The following POR variants were observed in gnomAD, a reference collection of about 807,000 sequenced individuals.
POR encodes NADPH--cytochrome P450 reductase.
POR carries 56 observed loss-of-function variants against 84.0 expected under a neutral mutation model. The observed-to-expected ratio is 0.67, with a 90% confidence interval of 0.54 to 0.83. POR has a LOEUF of 0.83. Ranked by LOEUF, POR falls within the 40% of genes least tolerant of loss-of-function variation. The probability of loss-of-function intolerance (pLI) is 0.00; values close to 1 mark genes in which losing one functional copy is unlikely to be tolerated. For missense variants in POR, 938 were observed against 944.3 expected, an observed-to-expected ratio of 0.99 and a Z score of 0.09; for synonymous variants, 414 against 400.5, an observed-to-expected ratio of 1.03 and a Z score of -0.40.
At chr7:75,924,540 C>T (rs1236118884) in intron 1 of POR, among the ~76,000 whole-genome samples, 2 of 151,986 alleles carry the variant, frequency 1.3e-5, no homozygotes, top group Non-Finnish European at 1.5e-5. Flanking sequence ...TGTTTTTAAA[C>T]ATCAGTGTTT....
rs1788485952 is a variant in POR at position 75,972,472 on chromosome 7, T to A, written c.237+11T>A. ...AAGATGAAGAAAACGGTGAGTTTCC[T>A]GCATGTCTTTACTCTTCTCAGGAAG... is the stretch of plus-strand genomic sequence containing the variant. On this transcript the variant is annotated intron_variant, in intron 3 of 15. Coordinates refer to ENST00000461988, the MANE Select transcript of POR (RefSeq NM_000941.3). 6.3e-7 allele frequency: 1 copy of A among 1,598,326 alleles called. No individual in the cohort carries two copies. The highest frequency in any genetic ancestry group is 8.5e-7 in the Non-Finnish European group (1 of 1,171,704).
intron 1 of POR, among the ~76,000 whole-genome samples, chr7:75,939,157 C>T (rs898008843): frequency 6.6e-6 from 1 of 152,232 alleles, no homozygotes; most frequent in Non-Finnish European, 1.5e-5. Flanking sequence ...TCCTGGAGTG[C>T]AGCAGGTGCT....
At chr7:75,973,674 C>CTTTGT (rs1788544259) in intron 3 of POR, among the ~76,000 whole-genome samples, 2 of 64,932 alleles carry the variant, frequency 3.1e-5, no homozygotes, top group Non-Finnish European at 5.1e-5. Context: ...CCAGACCTTG[C>CTTTGT]TTTTTTTTTT....
chr7:75,964,324 T>G (rs1554554902), intron 2 of POR, among the ~76,000 whole-genome samples: 2 of 152,140 alleles, frequency 1.3e-5, no homozygotes, highest in East Asian at 3.9e-4. Context: ...TTTTTCTTTT[T>G]GAGACTAAGT....
At chr7:75,930,263 T>C (rs1445114068) in intron 1 of POR, among the ~76,000 whole-genome samples, 2 of 152,022 alleles carry the variant, frequency 1.3e-5, no homozygotes, top group Admixed American at 6.6e-5. Flanking sequence ...CCTTTCTCTC[T>C]TCTGCAATTC....
intron 3 of POR, 139 bp downstream of exon 3, chr7:75,972,600 G>A: frequency 1.2e-6 from 1 of 805,062 alleles, no homozygotes; most frequent in East Asian, 2.7e-5. Flanking sequence ...CGGCTCGCTT[G>A]GGAGTCATTC....
At chr7:75,981,259 G>T (rs1554557817) in intron 6 of POR, 87 bp downstream of exon 6, 2 of 1,452,786 alleles carry the variant, frequency 1.4e-6, no homozygotes, top group Admixed American at 2.5e-5. Flanking sequence ...CATTGTGTCA[G>T]CTGAGACTCA....
intron 1 of POR, chr7:75,922,932 G>A (rs1806948212): frequency 1.5e-6 from 1 of 671,194 alleles, no homozygotes; most frequent in African/African-American, 1.8e-5. Flanking sequence ...ATGATTCCTG[G>A]CGGCAGAAAC....
In POR at chr7:75,954,094, T is replaced by A; in HGVS notation, c.102T>A (p.Phe34Leu). ...TCAGCATGACGGACATGATTCTGTT[T>A]TCGCTCATCGTGGGTCTCCTAACCT... Residue 34 changes from phenylalanine (F) to leucine (L), a missense_variant, in exon 2 of 16, where the codon TTT becomes TTA. Transcript: ENST00000461988. 1 of 1,613,382 alleles carries A rather than the reference T, an allele frequency of 6.2e-7. No individual in the cohort carries two copies. Among genetic ancestry groups the A allele is most frequent in the African/African-American group, 1.3e-5 (1 of 75,052 alleles).
intron 1 of POR, chr7:75,943,947 T>A: frequency 2.2e-6 from 1 of 447,816 alleles, no homozygotes; most frequent in Admixed American, 2.7e-5. Flanking sequence ...GGGAGAATTA[T>A]CAACTTAAAA....
chr7:75,974,641 C>G (rs1788596530), intron 3 of POR, among the ~76,000 whole-genome samples: 1 of 151,052 alleles, frequency 6.6e-6, no homozygotes, highest in Admixed American at 6.6e-5. Flanking sequence ...ATTCTCATGC[C>G]TCATTCTCCT....
intron 2 of POR, among the ~76,000 whole-genome samples, chr7:75,964,444 A>G (rs1788085532): frequency 6.6e-6 from 1 of 151,932 alleles, no homozygotes; most frequent in African/African-American, 2.4e-5. Flanking sequence ...AGTAGCTGGG[A>G]TTACAGGCGC....
chr7:75,984,210 C>T (rs1554558645), intron 10 of POR, among the ~76,000 whole-genome samples: 1 of 152,216 alleles, frequency 6.6e-6, no homozygotes, highest in African/African-American at 2.4e-5. Flanking sequence ...GCTGCCCCCA[C>T]CTCCTCACTG....
At chr7:75,968,061 T>A (rs2116506276) in intron 2 of POR, 1 of 455,208 alleles carries the variant, frequency 2.2e-6, no homozygotes, top group East Asian at 6.9e-5. Flanking sequence ...CCTTAAGTCC[T>A]GGAGCTGAGA....
At chr7:75,981,344 C>A (rs1789029845) in intron 6 of POR, among the ~76,000 whole-genome samples, 172 bp downstream of exon 6, 1 of 152,156 alleles carries the variant, frequency 6.6e-6, no homozygotes, top group African/African-American at 2.4e-5. Context: ...TGCTTTTCGG[C>A]TTGCCCAACT....
intron 2 of POR, among the ~76,000 whole-genome samples, chr7:75,966,773 C>G (rs782714842): frequency 1.3e-4 from 20 of 152,124 alleles, no homozygotes; most frequent in African/African-American, 4.6e-4. Context: ...GTGCTTTTCC[C>G]GCCCTCCCTC....
intron 5 of POR, 37 bp downstream of exon 5, chr7:75,980,525 C>T: frequency 1.2e-6 from 2 of 1,612,560 alleles, no homozygotes; most frequent in Non-Finnish European, 1.7e-6. Context: ...CTCCCGGTGG[C>T]CTGCGGTGCC....
At chr7:75,919,382 C>CATGTGTGTGT (rs1554548526) in intron 1 of POR, among the ~76,000 whole-genome samples, 11 of 146,432 alleles carry the variant, frequency 7.5e-5, no homozygotes, top group African/African-American at 2.8e-4. Flanking sequence ...TCTGTGCGTG[C>CATGTGTGTGT]GTGTGTGTGT....
At chr7:75,976,880 C>T (rs1209461619) in intron 3 of POR, among the ~76,000 whole-genome samples, 1 of 152,050 alleles carries the variant, frequency 6.6e-6, no homozygotes, top group Non-Finnish European at 1.5e-5. Flanking sequence ...GACTCAGTCT[C>T]ACTCCTGTCA....
Sources: allele counts gnomAD v4.1 joint callset (sites outside exome capture counted in the v4.1 genomes callset), GRCh38; gene constraint gnomAD v4.1.1; transcripts MANE v1.5; gene names NCBI Gene and HGNC (gene_info 2026-07-23, HGNC 2026-07-21).